Variants in RBFOX1 observed in about 807,000 individuals in gnomAD.
RBFOX1 encodes RNA binding fox-1 homolog 1.
A neutral mutation model predicts 57.7 loss-of-function variants in RBFOX1; 8 were observed. The observed-to-expected ratio is 0.14, with a 90% CI of 0.08 to 0.25. The LOEUF is 0.25. Among genes scored for constraint, RBFOX1 ranks in the 10% least tolerant of loss-of-function variants. The pLI is 1.00. For synonymous variants in RBFOX1, 326 were observed against 222.4 expected (o/e 1.47, Z -4.15); for missense variants, 611 against 548.5 (o/e 1.11, Z -1.14).
chr16:6,785,941 C>G (rs189491251), intron 3 of RBFOX1, among the ~76,000 whole-genome samples: 2 of 152,206 alleles, frequency 1.3e-5, no homozygotes, highest in Non-Finnish European at 1.5e-5. Flanking sequence ...TGTGTACATG[C>G]ATGTGACTTC....
intron 1 of RBFOX1, among the ~76,000 whole-genome samples, chr16:5,286,605 C>T (rs942125642): frequency 6.6e-6 from 1 of 152,188 alleles, no homozygotes; most frequent in Non-Finnish European, 1.5e-5. Flanking sequence ...CTCAGTAGAA[C>T]AGTCAGAATG....
intron 2 of RBFOX1, among the ~76,000 whole-genome samples, chr16:6,421,744 A>G (rs1000132555): frequency 6.6e-6 from 1 of 152,070 alleles, no homozygotes; most frequent in African/African-American, 2.4e-5. Flanking sequence ...TTCTCCATGT[A>G]TCTTTTCAAT....
At chr16:5,291,305 C>G (rs1027346816) in intron 1 of RBFOX1, among the ~76,000 whole-genome samples, 1 of 150,000 alleles carries the variant, frequency 6.7e-6, no homozygotes, top group African/African-American at 2.5e-5. Context: ...CTCTGTCACC[C>G]AGGCTGGAGT....
At chr16:6,278,447 G>T (rs1049942010) in intron 1 of RBFOX1, among the ~76,000 whole-genome samples, 1 of 125,198 alleles carries the variant, frequency 8.0e-6, no homozygotes, top group Non-Finnish European at 1.6e-5. Flanking sequence ...TTACCTAATC[G>T]CATGAAGCAT....
chr16:7,444,238 A>G (rs536387684), intron 4 of RBFOX1, among the ~76,000 whole-genome samples: 5 of 152,310 alleles, frequency 3.3e-5, no homozygotes, highest in Middle Eastern at 3.4e-3. Flanking sequence ...GTAGTTATCT[A>G]TGTTCTAACC....
chr16:7,296,082 T>C (rs1398971042), intron 4 of RBFOX1, among the ~76,000 whole-genome samples: 2 of 152,104 alleles, frequency 1.3e-5, no homozygotes, highest in Non-Finnish European at 2.9e-5. Flanking sequence ...AGAAGCACTT[T>C]ACATTCATTA....
chr16:6,988,320 T>A (rs141752919), intron 3 of RBFOX1, among the ~76,000 whole-genome samples: 1 of 152,138 alleles, frequency 6.6e-6, no homozygotes, highest in African/African-American at 2.4e-5. Context: ...TTTCCTGTGA[T>A]GATGAAAGTG....
intron 1 of RBFOX1, among the ~76,000 whole-genome samples, chr16:6,262,359 G>T (rs1277894063): frequency 6.6e-6 from 1 of 152,064 alleles, no homozygotes; most frequent in East Asian, 1.9e-4. Flanking sequence ...ACCTGCAAAG[G>T]AGGCTTGGAA....
At chr16:5,864,019 G>C (rs1357377470) in intron 3 of RBFOX1, among the ~76,000 whole-genome samples, 4 of 152,114 alleles carry the variant, frequency 2.6e-5, no homozygotes. Context: ...ATTAAGCCTA[G>C]TGCCCATTAT....
chr16:6,710,607 C>G (rs553799044), intron 3 of RBFOX1, among the ~76,000 whole-genome samples: 1 of 152,202 alleles, frequency 6.6e-6, no homozygotes, highest in African/African-American at 2.4e-5. Flanking sequence ...CTGAAAGAAG[C>G]CTAATTCAAA....
chr16:6,637,717 C>A (rs1345312033), intron 2 of RBFOX1, among the ~76,000 whole-genome samples: 1 of 151,256 alleles, frequency 6.6e-6, no homozygotes, highest in Non-Finnish European at 1.5e-5. Context: ...ACCATGAGTA[C>A]AGGGTCTAGA....
chr16:7,219,416 A>G (rs12050973), intron 4 of RBFOX1, among the ~76,000 whole-genome samples: 79,285 of 152,012 alleles, frequency 0.52, 22,041 homozygotes, highest in East Asian at 0.76. Context: ...ATTGATGAGC[A>G]TAGTTGAAAG....
chr16:6,256,041 C>T (rs1054747251), intron 1 of RBFOX1, among the ~76,000 whole-genome samples: 2 of 148,290 alleles, frequency 1.3e-5, no homozygotes, highest in Non-Finnish European at 3.0e-5. Context: ...TATCCCAGAA[C>T]GTAAAGTTAA....
chr16:6,586,324 C>T (rs534306688), intron 2 of RBFOX1, among the ~76,000 whole-genome samples: 247 of 152,304 alleles, frequency 1.6e-3, no homozygotes, highest in Admixed American at 4.8e-3. Flanking sequence ...AAGAAACATT[C>T]ATTCCTAAGA....
chr16:6,124,176 C>G (rs187866183), intron 1 of RBFOX1, among the ~76,000 whole-genome samples: 49 of 152,138 alleles, frequency 3.2e-4, no homozygotes, highest in Admixed American at 2.0e-3. Flanking sequence ...TATTTGGCAT[C>G]AAAAACTGAA....
At chr16:5,381,233 A>G (rs998295431) in intron 1 of RBFOX1, among the ~76,000 whole-genome samples, 1 of 152,244 alleles carries the variant, frequency 6.6e-6, no homozygotes, top group Non-Finnish European at 1.5e-5. Flanking sequence ...GGCAGACCCT[A>G]TGCCCTTGGG....
intron 4 of RBFOX1, among the ~76,000 whole-genome samples, chr16:5,892,821 G>C (rs1472477996): frequency 6.6e-6 from 1 of 152,192 alleles, no homozygotes; most frequent in Non-Finnish European, 1.5e-5. Context: ...TCAAGGCACT[G>C]TGCAGAGTGC....
intron 2 of RBFOX1, among the ~76,000 whole-genome samples, chr16:6,362,269 G>A (rs981907532): frequency 1.3e-5 from 2 of 151,148 alleles, no homozygotes; most frequent in Non-Finnish European, 2.9e-5. Flanking sequence ...TCTAATGCCC[G>A]TCCTTCCTCT....
At chr16:6,187,613 A>G (rs578047955) in intron 1 of RBFOX1, among the ~76,000 whole-genome samples, 4 of 152,334 alleles carry the variant, frequency 2.6e-5, no homozygotes, top group Non-Finnish European at 4.4e-5. Flanking sequence ...GGAGATTTTC[A>G]TATTAATCCA....
Sources: allele counts gnomAD v4.1 joint callset (sites outside exome capture counted in the v4.1 genomes callset), GRCh38; gene constraint gnomAD v4.1.1; transcripts MANE v1.5; gene names NCBI Gene and HGNC (gene_info 2026-07-23, HGNC 2026-07-21).